Variants in DCPS observed in about 807,000 individuals in gnomAD.
DCPS encodes m7GpppX diphosphatase.
DCPS carries 27 observed loss-of-function variants against 34.7 expected under a neutral mutation model. The ratio of observed to expected loss-of-function variants is 0.78; its 90% CI spans 0.57 to 1.07. The LOEUF is 1.07. Ranked by LOEUF, DCPS falls within the 50% of genes least tolerant of loss-of-function variation. The pLI, the probability that DCPS is intolerant of heterozygous loss-of-function variation, is 0.00. For missense variants in DCPS, 464 were observed against 436.9 expected (o/e 1.06, Z -0.55); for synonymous variants, 185 against 185.7 (o/e 1.00, Z 0.03).
chr11:126,315,924 G>T lies in DCPS; in HGVS notation c.376+9180G>T, dbSNP rs1018984812. Among the ~76,000 whole-genome samples the T allele has an allele frequency of 6.6e-6, 1 of 151,998 alleles. No homozygotes were observed. Among genetic ancestry groups the T allele is most frequent in the African/African-American group, 2.4e-5 (1 of 41,294 alleles). ...AGACAGGGTTTCATCATGTTGGCCA[G>T]GCTATCTCAAACTCCTGACCTCAAG... On this transcript the variant is annotated intron_variant, in intron 2 of 5. Coordinates refer to ENST00000263579, the MANE Select transcript of DCPS (RefSeq NM_014026.6). The surrounding 1 kb of genome is among the most constrained non-coding windows in gnomAD (Gnocchi z 6.1).
chr11:126,310,132 C>G (rs1393314152), intron 2 of DCPS, among the ~76,000 whole-genome samples: 2 of 152,190 alleles, frequency 1.3e-5, no homozygotes, highest in African/African-American at 4.8e-5. Context: ...TCACTGGAGT[C>G]TGCATTTTAG....
In DCPS at chr11:126,320,330, C is replaced by G. The variant is rs1456974323; in HGVS notation, c.377-11075C>G. Among the ~76,000 whole-genome samples, 1 of 152,262 alleles carries G rather than the reference C, an allele frequency of 6.6e-6. No homozygotes were observed. The highest frequency in any genetic ancestry group is 1.9e-4 in the East Asian group (1 of 5,192). ...ACTGGAGATGATCTTAAAGAACAAG[C>G]AAGTATGTCACGTGGCAACAAACAG... On this transcript the variant is annotated intron_variant, in intron 2 of 5. Transcript: ENST00000263579. The surrounding 1 kb of genome is among the most constrained non-coding windows in gnomAD (Gnocchi z 4.7).
chr11:126,316,732 T>C (rs556844918), intron 2 of DCPS, among the ~76,000 whole-genome samples: 116 of 151,282 alleles, frequency 7.7e-4, no homozygotes, highest in Non-Finnish European at 1.3e-3. Context: ...CTCAGCTGAC[T>C]GCAACCTCCG....
At position 126,334,462 on chromosome 11, in the gene DCPS, C is replaced by T. The variant is rs929153258; in HGVS notation, c.522+2912C>T. Reference sequence around the variant, plus strand: ...AGGTTCAAGTGATTCTCCTGTCTCACCCTCCCAAGTAGCTGGGATTACAGG... The same window carrying T: ...AGGTTCAAGTGATTCTCCTGTCTCATCCTCCCAAGTAGCTGGGATTACAGG... On this transcript the variant is annotated intron_variant, in intron 3 of 5. Coordinates refer to ENST00000263579, the MANE Select transcript of DCPS (RefSeq NM_014026.6). This position sits in a 1 kb window ranked among gnomAD's most constrained non-coding sequence, Gnocchi z 5.5. Among the ~76,000 whole-genome samples, 2 of 152,014 alleles carry T rather than the reference C, an allele frequency of 1.3e-5. No individual in the cohort carries two copies. The highest frequency in any genetic ancestry group is 4.8e-5 in the African/African-American group (2 of 41,398).
rs946133205 is a variant in DCPS, at chr11:126,338,999, A to C, written c.636+600A>C. ...CACAGGTATCCCTTTCCAGTTCCCT[A>C]TGGTCTTCTGTCTCTCCCAGACCAG... On this transcript the variant is annotated intron_variant, in intron 4 of 5. Transcript: ENST00000263579. The surrounding 1 kb of genome is among the most constrained non-coding windows in gnomAD (Gnocchi z 5.4). 3.6e-4 allele frequency among the ~76,000 whole-genome samples: 55 copies of C among 152,280 alleles called. No homozygotes were observed. Among genetic ancestry groups the C allele is most frequent in the African/African-American group, 1.3e-3 (53 of 41,564 alleles).
In DCPS at chr11:126,333,621, C is replaced by T. The variant is rs975399676; in HGVS notation, c.522+2071C>T. 2.0e-5 allele frequency among the ~76,000 whole-genome samples: 3 copies of T among 152,114 alleles called. No individual in the cohort carries two copies. The highest frequency in any genetic ancestry group is 4.8e-5 in the African/African-American group (2 of 41,414). On this transcript the variant is annotated intron_variant, in intron 3 of 5. Transcript: ENST00000263579. The surrounding 1 kb of genome is among the most constrained non-coding windows in gnomAD (Gnocchi z 5.7). ...AGAGGCACACAGAGCTGGAATCATC[C>T]GATGCTTTGGGGGAGCTGCAAGGAG...
chr11:126,328,684 C>T lies in DCPS; in HGVS notation c.377-2721C>T, dbSNP rs868057765. ...GGCTGGGTGACCCTGCCCGCAGAAC[C>T]CGGCTGCTCTCCAGCGCCCGCTCTG... On this transcript the variant is annotated intron_variant, in intron 2 of 5. Coordinates refer to ENST00000263579, the MANE Select transcript of DCPS (RefSeq NM_014026.6). This position sits in a 1 kb window ranked among gnomAD's most constrained non-coding sequence, Gnocchi z 6.6. 2.0e-5 allele frequency among the ~76,000 whole-genome samples: 3 copies of T among 152,176 alleles called. No individual in the cohort carries two copies. Among genetic ancestry groups the T allele is most frequent in the African/African-American group, 7.2e-5 (3 of 41,438 alleles).
At position 126,313,143 on chromosome 11, in the gene DCPS, C is replaced by T. The variant is rs979786022; in HGVS notation, c.376+6399C>T. On this transcript the variant is annotated intron_variant, in intron 2 of 5. Transcript: ENST00000263579. This position sits in a 1 kb window ranked among gnomAD's most constrained non-coding sequence, Gnocchi z 4.9. The stretch of plus-strand genomic sequence containing the variant: ...CCTCTTCAAAGGCCAATTGTTTCCC[C>T]GTGTAAACCAGGAGGTGAAATCTCA... Among the ~76,000 whole-genome samples the T allele has an allele frequency of 6.6e-6, 1 of 152,258 alleles. No individual in the cohort carries two copies.
At position 126,312,164 on chromosome 11, in the gene DCPS, C is replaced by T. The variant is rs1317613073; in HGVS notation, c.376+5420C>T. ...CAGGCTAGTCTCGGACTCCTGACCT[C>T]AGGTGATCCACCTGCCTCGGCCTCC... On this transcript the variant is annotated intron_variant, in intron 2 of 5. Transcript: ENST00000263579. The surrounding 1 kb of genome is among the most constrained non-coding windows in gnomAD (Gnocchi z 5.1). Among the ~76,000 whole-genome samples, 2 of 152,076 alleles carry T rather than the reference C, an allele frequency of 1.3e-5. No individual in the cohort carries two copies. The highest frequency in any genetic ancestry group is 1.9e-4 in the East Asian group (1 of 5,172).
chr11:126,321,828 T>C (rs1951708593), intron 2 of DCPS, among the ~76,000 whole-genome samples: 1 of 152,002 alleles, frequency 6.6e-6, no homozygotes, highest in South Asian at 2.1e-4. Context: ...TTATTAAAGC[T>C]CTTGGAAATT....
At chr11:126,305,583 G>A (rs1310442904) in intron 1 of DCPS, among the ~76,000 whole-genome samples, 1 of 150,058 alleles carries the variant, frequency 6.7e-6, no homozygotes, top group Non-Finnish European at 1.5e-5. Flanking sequence ...ACCATGCCCA[G>A]CTAATTTTCG....
Position 126,312,722 on chromosome 11 carries a change from A to G in DCPS, c.376+5978A>G, listed in dbSNP as rs1056450176. On this transcript the variant is annotated intron_variant, in intron 2 of 5. Coordinates refer to ENST00000263579, the MANE Select transcript of DCPS (RefSeq NM_014026.6). The surrounding 1 kb of genome is among the most constrained non-coding windows in gnomAD (Gnocchi z 5.1). ...TCCTGGATTAGGACCCATTAAGAGAAGGTGTATAGAGCACGTGGCACAGTA... is the reference window on the plus strand; with the variant it reads ...TCCTGGATTAGGACCCATTAAGAGAGGGTGTATAGAGCACGTGGCACAGTA... 2.6e-5 allele frequency among the ~76,000 whole-genome samples: 4 copies of G among 152,310 alleles called. No individual in the cohort carries two copies. The highest frequency in any genetic ancestry group is 2.1e-4 in the South Asian group (1 of 4,826).
In DCPS at chr11:126,325,025, A is replaced by T. The variant is rs1951730288; in HGVS notation, c.377-6380A>T. Among the ~76,000 whole-genome samples, 1 of 152,084 alleles carries T rather than the reference A, an allele frequency of 6.6e-6. No homozygotes were observed. Among genetic ancestry groups the T allele is most frequent in the Non-Finnish European group, 1.5e-5 (1 of 68,014 alleles). On this transcript the variant is annotated intron_variant, in intron 2 of 5. Coordinates refer to ENST00000263579, the MANE Select transcript of DCPS (RefSeq NM_014026.6). The surrounding 1 kb of genome is among the most constrained non-coding windows in gnomAD (Gnocchi z 4.3). ...TGGTGAAACCCTATCTCTACTAAAA[A>T]TACAAAAATTAGCGGGGCATGGTGG...
chr11:126,331,273 G>T lies in DCPS; in HGVS notation c.377-132G>T. The T allele has an allele frequency of 7.6e-7, 1 of 1,322,366 alleles. No individual in the cohort carries two copies. The highest frequency in any genetic ancestry group is 1.0e-6 in the Non-Finnish European group (1 of 957,244). 81.9% of individuals were successfully genotyped at this position (1,322,366 alleles called of 1,614,324 possible). A position where few individuals can be genotyped will look rare whatever the true frequency, so the allele number is the denominator to read the frequency against. ...CACTCTGTGGGAGTGGATCTTGGGT[G>T]CATGATCCTCTTGGATTTTGGCTTC... On this transcript the variant is annotated intron_variant, in intron 2 of 5. Coordinates refer to ENST00000263579, the MANE Select transcript of DCPS (RefSeq NM_014026.6). The surrounding 1 kb of genome is among the most constrained non-coding windows in gnomAD (Gnocchi z 7.2).
At position 126,331,469 on chromosome 11, in the gene DCPS, C is replaced by T. The variant is rs1455903420; in HGVS notation, c.441C>T (p.Asp147=). ...EKHLQKYLRQ[D]LRLIRETGDD... ...ACCTGCAGAAGTACCTGCGCCAGGA[C>T]CTCCGCCTGATCCGAGAGACGGGAG... is the stretch of plus-strand genomic sequence containing the variant. The change falls in exon 3 of 6, where the codon GAC becomes GAT. Residue 147 remains aspartate (D), a synonymous_variant. Transcript: ENST00000263579. The surrounding 1 kb of genome is among the most constrained non-coding windows in gnomAD (Gnocchi z 7.2). The T allele has an allele frequency of 1.2e-6, 2 of 1,614,162 alleles. No homozygotes were observed. The highest frequency in any genetic ancestry group is 1.3e-5 in the African/African-American group (1 of 75,034).
At chr11:126,318,396 C>G (rs1057069594) in intron 2 of DCPS, among the ~76,000 whole-genome samples, 53 of 152,184 alleles carry the variant, frequency 3.5e-4, no homozygotes, top group African/African-American at 1.3e-3. Context: ...GACTTAAGAT[C>G]CACGGCAGCC....
At position 126,320,742 on chromosome 11, in the gene DCPS, G is replaced by A. The variant is rs1378291434; in HGVS notation, c.377-10663G>A. ...CACTTCAGTCCAGGACATAGAGGCT[G>A]CACTCCAGCCTGGGAGACAGAGCCA... is the stretch of plus-strand genomic sequence containing the variant. On this transcript the variant is annotated intron_variant, in intron 2 of 5. Transcript: ENST00000263579. The surrounding 1 kb of genome is among the most constrained non-coding windows in gnomAD (Gnocchi z 4.7). Among the ~76,000 whole-genome samples, 1 of 152,166 alleles carries A rather than the reference G, an allele frequency of 6.6e-6. No homozygotes were observed. The highest frequency in any genetic ancestry group is 1.5e-5 in the Non-Finnish European group (1 of 68,022).
Position 126,323,615 on chromosome 11 carries a change from A to G in DCPS, c.377-7790A>G, listed in dbSNP as rs1951722031. Among the ~76,000 whole-genome samples the G allele has an allele frequency of 6.6e-6, 1 of 151,972 alleles. No homozygotes were observed. Among genetic ancestry groups the G allele is most frequent in the Non-Finnish European group, 1.5e-5 (1 of 68,000 alleles). On this transcript the variant is annotated intron_variant, in intron 2 of 5. Transcript: ENST00000263579. The surrounding 1 kb of genome is among the most constrained non-coding windows in gnomAD (Gnocchi z 4.4). ...CAGTGGCACGATCACAGCTCACTGC[A>G]GCCTTGACCTTCCAGGCTCAAGCGA...
rs1951883312 is a variant in DCPS at position 126,342,537 on chromosome 11, G to A, written c.637-770G>A. On this transcript the variant is annotated intron_variant, in intron 4 of 5. Coordinates refer to ENST00000263579, the MANE Select transcript of DCPS (RefSeq NM_014026.6). This position sits in a 1 kb window ranked among gnomAD's most constrained non-coding sequence, Gnocchi z 4.4. ...AGTCTTTGCTCTGTTTCCTCTACCT[G>A]AATACCCTTTCTCCAAATTCTACCT... is the stretch of plus-strand genomic sequence containing the variant. 6.6e-6 allele frequency among the ~76,000 whole-genome samples: 1 copy of A among 152,066 alleles called. No homozygotes were observed. Among genetic ancestry groups the A allele is most frequent in the Non-Finnish European group, 1.5e-5 (1 of 68,028 alleles).
Sources: gnomAD v4.1 joint callset for allele counts (sites outside exome capture counted in the v4.1 genomes callset) on GRCh38, gnomAD v4.1.1 for gene constraint, Gnocchi (gnomAD v3.1) non-coding constraint, MANE v1.5 for transcripts, NCBI Gene and HGNC (gene_info 2026-07-23, HGNC 2026-07-21) for gene names.